Variants in CRHR1 observed in about 807,000 individuals in gnomAD.
CRHR1 encodes corticotropin releasing hormone receptor 1, also known as corticotropin-releasing hormone receptor 1.
Under a neutral mutation model 56.0 loss-of-function variants are expected in CRHR1, and 28 were observed. The observed-to-expected ratio is 0.50, with a 90% CI of 0.37 to 0.69. CRHR1 has a LOEUF of 0.69. Ranked by LOEUF, CRHR1 falls within the 30% of genes least tolerant of loss-of-function variation. The pLI is 0.00. For synonymous variants in CRHR1, 195 were observed against 216.5 expected, an observed-to-expected ratio of 0.90 and a Z score of 0.87; for missense variants, 376 against 548.0, an observed-to-expected ratio of 0.69 and a Z score of 3.13.
At chr17:45,818,758 A>T (rs945471587) in intron 3 of CRHR1, among the ~76,000 whole-genome samples, 3 of 152,028 alleles carry the variant, frequency 2.0e-5, no homozygotes, top group African/African-American at 7.2e-5. Context: ...TAATTAATCC[A>T]TTTACTGATG....
At chr17:45,793,334 T>A (rs1351829055) in intron 1 of CRHR1, among the ~76,000 whole-genome samples, 2 of 152,220 alleles carry the variant, frequency 1.3e-5, no homozygotes, top group Admixed American at 1.3e-4. Context: ...GAGGGAATTG[T>A]GGCCCTGGGC....
chr17:45,828,614 G>A (rs1267352732), intron 4 of CRHR1, among the ~76,000 whole-genome samples: 1 of 152,242 alleles, frequency 6.6e-6, no homozygotes, highest in East Asian at 1.9e-4. Flanking sequence ...CTTGGGCCAG[G>A]GATGGGGAAG....
In CRHR1 at chr17:45,834,805, G is replaced by C; in HGVS notation, c.*41G>C. On this transcript the variant is annotated 3_prime_UTR_variant, in exon 13 of 13. Transcript: ENST00000314537. ...AGCAGCCCCCAAAGAGCTGTGGCTG[G>C]GGGGATGACGGCCAGGCTCCCTGAC... The C allele has an allele frequency of 6.2e-7, 1 of 1,611,116 alleles. No individual in the cohort carries two copies. The highest frequency in any genetic ancestry group is 1.1e-5 in the South Asian group (1 of 91,024).
chr17:45,819,860 A>G (rs893692596), intron 3 of CRHR1, among the ~76,000 whole-genome samples: 4 of 152,182 alleles, frequency 2.6e-5, no homozygotes, highest in African/African-American at 7.2e-5. Flanking sequence ...GGCCACATCT[A>G]CTTTTCAGCC....
intron 5 of CRHR1, chr17:45,829,532 A>C: frequency 6.5e-7 from 1 of 1,541,308 alleles, no homozygotes; most frequent in South Asian, 1.2e-5. Context: ...GGGGAGGGAC[A>C]AAACTTGTCT....
At position 45,807,083 on chromosome 17, in the gene CRHR1, C is replaced by T. The variant is rs1296149083; in HGVS notation, c.107C>T (p.Ala36Val). ...CAGCACTGCGAGAGCCTGTCCCTGGCCAGCAACATCTCAGGTGAGTCCCCT... is the reference window on the plus strand; with the variant it reads ...CAGCACTGCGAGAGCCTGTCCCTGGTCAGCAACATCTCAGGTGAGTCCCCT... The part of the protein sequence containing the change: ...QDQHCESLSL[A>V]SNISGLQCNA... Residue 36 changes from alanine to valine, a missense_variant, in exon 2 of 13, where the codon GCC becomes GTC. Around this residue, in one of 2 missense-constraint regions of CRHR1, gnomAD observed 369 missense variants for 519.5 expected, o/e 0.71. Transcript: ENST00000314537. 1 of 1,614,030 alleles carries T rather than the reference C, an allele frequency of 6.2e-7. No homozygotes were observed. Among genetic ancestry groups the T allele is most frequent in the South Asian group, 1.1e-5 (1 of 91,048 alleles).
chr17:45,806,868 G>A (rs2061729570), intron 1 of CRHR1, 142 bp from the exon 2 acceptor site: 6 of 661,772 alleles, frequency 9.1e-6, no homozygotes, highest in South Asian at 5.4e-5. Context: ...GCGGGTGTCT[G>A]GGAAGCGACT....
At chr17:45,812,729 T>C (rs2061846622) in intron 2 of CRHR1, among the ~76,000 whole-genome samples, 1 of 152,164 alleles carries the variant, frequency 6.6e-6, no homozygotes, top group Non-Finnish European at 1.5e-5. Context: ...TGCCTCTCTC[T>C]ATTTCTTCCT....
intron 2 of CRHR1, among the ~76,000 whole-genome samples, chr17:45,809,736 G>A (rs912788518): frequency 9.2e-5 from 14 of 152,252 alleles, no homozygotes; most frequent in African/African-American, 2.9e-4. Context: ...GGCTGGCACC[G>A]AGCCAGGGCC....
chr17:45,835,124 C>G lies in CRHR1; in HGVS notation c.*360C>G, dbSNP rs878886. On this transcript the variant is annotated 3_prime_UTR_variant, in exon 13 of 13. Transcript: ENST00000314537. ...AGCACAAGAAGGCCAGCCCACTGGG[C>G]CCTGGGGCTGCCCTCGGCAACCGTG... 41,498 of 262,402 alleles carry G rather than the reference C, an allele frequency of 0.16. 4,222 individuals carry two copies. The highest frequency in any genetic ancestry group is 0.22 in the Middle Eastern group (185 of 840). 16.3% of individuals were successfully genotyped at this position (262,402 alleles called of 1,614,324 possible).
At chr17:45,785,918 A>G (rs2061327409) in intron 1 of CRHR1, among the ~76,000 whole-genome samples, 1 of 152,146 alleles carries the variant, frequency 6.6e-6, no homozygotes, top group African/African-American at 2.4e-5. Flanking sequence ...CTAGGGATGA[A>G]CTCAGATTAT....
At chr17:45,816,614 T>C (rs778498473) in intron 3 of CRHR1, 32 bp downstream of exon 3, 3 of 1,613,248 alleles carry the variant, frequency 1.9e-6, no homozygotes, top group Non-Finnish European at 2.5e-6. Flanking sequence ...GACCATCTGC[T>C]GGGAGGTGGG....
intron 12 of CRHR1, among the ~76,000 whole-genome samples, 156 bp from the exon 13 acceptor site, chr17:45,834,468 G>A (rs928796455): frequency 1.6e-4 from 25 of 152,196 alleles, no homozygotes; most frequent in Admixed American, 1.4e-3. Context: ...CAAAGCAGTC[G>A]TGTTAAGGCT....
At chr17:45,813,599 C>T (rs774423196) in intron 2 of CRHR1, among the ~76,000 whole-genome samples, 2 of 152,300 alleles carry the variant, frequency 1.3e-5, no homozygotes, top group East Asian at 3.9e-4. Flanking sequence ...GAACTGGAGT[C>T]GCAGCTCTGC....
At chr17:45,807,143 T>C in intron 2 of CRHR1, 46 bp downstream of exon 2, 1 of 1,545,970 alleles carries the variant, frequency 6.5e-7, no homozygotes, top group African/African-American at 1.4e-5. Flanking sequence ...GTCACCACAA[T>C]GCCCCCTACC....
chr17:45,815,037 G>A (rs1180068660), intron 2 of CRHR1, among the ~76,000 whole-genome samples: 1 of 152,254 alleles, frequency 6.6e-6, no homozygotes, highest in East Asian at 1.9e-4. Context: ...ATTTAACCCA[G>A]TGCTGTTTCC....
At chr17:45,824,455 C>A (rs115074106) in intron 4 of CRHR1, among the ~76,000 whole-genome samples, 3,511 of 152,270 alleles carry the variant, frequency 0.023, 144 homozygotes, top group African/African-American at 0.081. Flanking sequence ...ATTGCAAGCC[C>A]CTTCTTTTCA....
At chr17:45,785,163 A>T (rs1156630049) in intron 1 of CRHR1, among the ~76,000 whole-genome samples, 1 of 151,810 alleles carries the variant, frequency 6.6e-6, no homozygotes, top group East Asian at 2.0e-4. Context: ...CTGTTCCCCG[A>T]CCGCGGCTGG....
chr17:45,827,666 G>T (rs2062195501), intron 4 of CRHR1: 1 of 152,226 alleles, frequency 6.6e-6, no homozygotes, highest in Non-Finnish European at 1.5e-5. Context: ...CCATGTTCCA[G>T]AAAGCCTCTG....
Sources: gnomAD v4.1 joint callset for allele counts (sites outside exome capture counted in the v4.1 genomes callset) on GRCh38, gnomAD v4.1.1 for gene constraint, gnomAD v4.1.1 regional missense constraint, MANE v1.5 for transcripts, NCBI Gene and HGNC (gene_info 2026-07-23, HGNC 2026-07-21) for gene names.